Variants in QTRT1 observed in about 807,000 individuals in gnomAD.
The protein encoded by QTRT1 is TGT, 43-KD subunit.
In QTRT1, 41 loss-of-function variants were observed where a neutral mutation model predicts 44.0. The observed-to-expected ratio is 0.93, with a 90% CI of 0.73 to 1.21. The LOEUF (loss-of-function observed/expected upper bound fraction) is 1.21, where lower values mean the gene tolerates loss of function less well. Ranked by LOEUF, QTRT1 falls within the 50% of genes most tolerant of loss-of-function variation. The probability of loss-of-function intolerance (pLI) is 0.00; values close to 1 mark genes in which losing one functional copy is unlikely to be tolerated. For synonymous variants in QTRT1, 226 were observed against 237.1 expected (o/e 0.95, Z 0.43); for missense variants, 542 against 575.8 (o/e 0.94, Z 0.60).
chr19:10,703,243 T>G (rs1384360137), intron 3 of QTRT1, among the ~76,000 whole-genome samples: 1 of 151,114 alleles, frequency 6.6e-6, no homozygotes, highest in Non-Finnish European at 1.5e-5. Context: ...TTGTATTTTT[T>G]GTAGAGACGG....
intron 5 of QTRT1, among the ~76,000 whole-genome samples, chr19:10,710,846 C>T (rs1336210662): frequency 6.6e-6 from 1 of 151,080 alleles, no homozygotes; most frequent in Non-Finnish European, 1.5e-5. Context: ...TCACTTGAAC[C>T]CGGGAGGCGA....
At chr19:10,711,742 G>A (rs1205113680) in intron 5 of QTRT1, 5 of 240,742 alleles carry the variant, frequency 2.1e-5, no homozygotes, top group Admixed American at 5.1e-5. Flanking sequence ...GATGACAGGC[G>A]TGAGCCACTG....
intron 3 of QTRT1, among the ~76,000 whole-genome samples, chr19:10,703,428 T>C (rs2068699132): frequency 1.3e-5 from 2 of 152,144 alleles, no homozygotes; most frequent in Non-Finnish European, 2.9e-5. Flanking sequence ...CCCCTCATCA[T>C]TCTAATAGAT....
chr19:10,707,582 C>A lies in QTRT1; in HGVS notation c.613C>A (p.Leu205Met). 1 of 1,610,494 alleles carries A rather than the reference C, an allele frequency of 6.2e-7. No individual in the cohort carries two copies. Among genetic ancestry groups the A allele is most frequent in the Non-Finnish European group, 8.5e-7 (1 of 1,178,436 alleles). ...QNLFAIIQGG[L>M]DADLRATCLE... is the part of the protein sequence containing the mutation. ...CCTCTTCGCCATTATCCAGGGTGGG[C>A]TGGACGCAGATCTCCGGGCCACCTG... The change falls in exon 5 of 10, where the codon CTG (leucine) becomes ATG (methionine). Residue 205 changes from leucine to methionine, a missense_variant. Transcript: ENST00000250237.
intron 3 of QTRT1, among the ~76,000 whole-genome samples, chr19:10,703,062 C>G (rs1216855738): frequency 7.5e-6 from 1 of 133,202 alleles, no homozygotes; most frequent in Admixed American, 8.4e-5. Flanking sequence ...AGCCACCACA[C>G]CTGGCTTTTT....
intron 3 of QTRT1, among the ~76,000 whole-genome samples, chr19:10,704,804 C>T (rs7259597): frequency 0.051 from 7,726 of 151,926 alleles, 243 homozygotes; most frequent in African/African-American, 0.089. Flanking sequence ...TCAGGCTGGT[C>T]TTGAACTCCC....
chr19:10,706,500 G>A (rs961442273), intron 3 of QTRT1, among the ~76,000 whole-genome samples: 1 of 151,818 alleles, frequency 6.6e-6, no homozygotes, highest in African/African-American at 2.4e-5. Context: ...AGCCTCTTGA[G>A]TAGCTGGGAT....
Position 10,701,679 on chromosome 19 carries a change from TA to T in QTRT1, c.220del (p.Thr74ProfsTer6). 6.3e-7 allele frequency: 1 copy of T among 1,585,930 alleles called. No homozygotes were observed. Among genetic ancestry groups the T allele is most frequent in the Non-Finnish European group, 8.6e-7 (1 of 1,167,156 alleles). On this transcript the variant is annotated frameshift_variant, in exon 1 of 10. Transcript: ENST00000250237. LOFTEE classifies it high-confidence loss of function. ...TGGGTTGCCGCATCTGCCTGGGCAA[TA>T]CCTACCATCTGGGTCTAAGGCCGGT... ...ALGCRICLGN[T>X]YHLGLRPGPE...
In QTRT1 at chr19:10,712,331, C is replaced by T; in HGVS notation, c.785+32C>T. 1 of 1,585,132 alleles carries T rather than the reference C, an allele frequency of 6.3e-7. No individual in the cohort carries two copies. Among genetic ancestry groups the T allele is most frequent in the Non-Finnish European group, 8.6e-7 (1 of 1,164,950 alleles). ...TGTGGATAGGGAAGCCAGAGCCCTACCTGTGGGAAGTGGATTCCTGGGGAC... is the reference window on the plus strand; with the variant it reads ...TGTGGATAGGGAAGCCAGAGCCCTATCTGTGGGAAGTGGATTCCTGGGGAC... On this transcript the variant is annotated intron_variant, in intron 6 of 9. Transcript: ENST00000250237. The surrounding 1 kb of genome is among the most constrained non-coding windows in gnomAD (Gnocchi z 5.6).
chr19:10,704,389 G>T (rs1420874774), intron 3 of QTRT1, among the ~76,000 whole-genome samples: 1 of 151,138 alleles, frequency 6.6e-6, no homozygotes, highest in Non-Finnish European at 1.5e-5. Flanking sequence ...CGCCTCCTGG[G>T]TTCATGCCAT....
chr19:10,705,892 G>A (rs530977999), intron 3 of QTRT1, among the ~76,000 whole-genome samples: 83 of 109,294 alleles, frequency 7.6e-4, no homozygotes, highest in African/African-American at 2.8e-3. Context: ...GTCTCGCTCT[G>A]TCACTCAGGC....
At chr19:10,707,830 GTT>G (rs896259479) in intron 5 of QTRT1, among the ~76,000 whole-genome samples, 5 of 40,588 alleles carry the variant, frequency 1.2e-4, no homozygotes, top group African/African-American at 8.2e-4. Flanking sequence ...TTGTTTGTTT[GTT>G]TTTGTTTTTT....
At chr19:10,711,889 A>T (rs780076279) in intron 5 of QTRT1, 3 of 558,640 alleles carry the variant, frequency 5.4e-6, no homozygotes, top group Non-Finnish European at 9.6e-6. Context: ...CTGAGTACTG[A>T]AGGAAAAGGT....
Position 10,712,508 on chromosome 19 carries a change from G to A in QTRT1, c.786-45G>A. ...TGAGGGTTGGGAGGGGCCCTGGGAAGCCCCTGAGGTTCTCTGCCCCCTCCC... is the reference window on the plus strand; with the variant it reads ...TGAGGGTTGGGAGGGGCCCTGGGAAACCCCTGAGGTTCTCTGCCCCCTCCC... On this transcript the variant is annotated intron_variant, in intron 6 of 9. Transcript: ENST00000250237. The surrounding 1 kb of genome is among the most constrained non-coding windows in gnomAD (Gnocchi z 5.6). 6.4e-7 allele frequency: 1 copy of A among 1,564,722 alleles called. No individual in the cohort carries two copies. Among genetic ancestry groups the A allele is most frequent in the Non-Finnish European group, 8.8e-7 (1 of 1,135,676 alleles).
chr19:10,708,472 A>G (rs930940488), intron 5 of QTRT1, among the ~76,000 whole-genome samples: 1 of 152,034 alleles, frequency 6.6e-6, no homozygotes, highest in Non-Finnish European at 1.5e-5. Context: ...TTTCTCTTTC[A>G]TTTAAAAACA....
At chr19:10,708,429 A>G (rs2068724446) in intron 5 of QTRT1, among the ~76,000 whole-genome samples, 2 of 152,092 alleles carry the variant, frequency 1.3e-5, no homozygotes, top group Non-Finnish European at 2.9e-5. Flanking sequence ...GCCATGCATT[A>G]CCTTTTACAT....
chr19:10,713,029 A>T lies in QTRT1; in HGVS notation c.1048A>T (p.Ile350Phe). 2 of 1,611,060 alleles carry T rather than the reference A, an allele frequency of 1.2e-6. No individual in the cohort carries two copies. Among genetic ancestry groups the T allele is most frequent in the Non-Finnish European group, 1.7e-6 (2 of 1,179,894 alleles). The change falls in exon 9 of 10, where the codon ATC becomes TTC. Residue 350 changes from isoleucine (I) to phenylalanine (F), a missense_variant. By Grantham distance (21) the Ile-to-Phe change is conservative. Coordinates refer to ENST00000250237, the MANE Select transcript of QTRT1 (RefSeq NM_031209.3). The surrounding 1 kb of genome is among the most constrained non-coding windows in gnomAD (Gnocchi z 4.3). Reference protein sequence around the residue: ...AALHHLTVHNIAYQLQLMSAV... With the variant: ...AALHHLTVHNFAYQLQLMSAV... ...GCTGCACCACCTCACGGTCCACAAC[A>T]TCGCCTACCAGGTGAGCCAGTGCCC...
In QTRT1 at chr19:10,702,028, G is replaced by A. The variant is rs770902752; in HGVS notation, c.312+10G>A. 1.2e-6 allele frequency: 2 copies of A among 1,614,218 alleles called. No homozygotes were observed. The highest frequency in any genetic ancestry group is 1.1e-5 in the South Asian group (1 of 91,088). On this transcript the variant is annotated intron_variant, in intron 2 of 9. Coordinates refer to ENST00000250237, the MANE Select transcript of QTRT1 (RefSeq NM_031209.3). ...TCATAATCTGCTAACGGTGAGCTGA[G>A]GAGAGAGCCGACGTTCTAGGGCCCT...
At chr19:10,710,522 G>A (rs1453381503) in intron 5 of QTRT1, among the ~76,000 whole-genome samples, 11 of 151,992 alleles carry the variant, frequency 7.2e-5, no homozygotes, top group Admixed American at 5.9e-4. Context: ...TCACCATGTT[G>A]GCCAGGCTGG....
Sources: gnomAD v4.1 joint callset for allele counts (sites outside exome capture counted in the v4.1 genomes callset) on GRCh38, gnomAD v4.1.1 for gene constraint, Gnocchi (gnomAD v3.1) non-coding constraint, MANE v1.5 for transcripts, NCBI Gene and HGNC (gene_info 2026-07-23, HGNC 2026-07-21) for gene names.